Variants in CNTNAP2 observed in about 807,000 individuals in gnomAD.
CNTNAP2 encodes the protein contactin-associated protein-like 2.
In CNTNAP2, 98 loss-of-function variants were observed where a neutral mutation model predicts 155.2. The observed-to-expected ratio is 0.63, with a 90% CI of 0.54 to 0.75. The LOEUF is 0.75. Among genes scored for constraint, CNTNAP2 ranks in the 30% least tolerant of loss-of-function variants. CNTNAP2 has a pLI of 0.00. For missense variants in CNTNAP2, 1,727 were observed against 1,688.1 expected (o/e 1.02, Z -0.40); for synonymous variants, 651 against 631.2 (o/e 1.03, Z -0.47).
At chr7:147,877,247 G>T (rs542509263) in intron 13 of CNTNAP2, among the ~76,000 whole-genome samples, 2 of 152,220 alleles carry the variant, frequency 1.3e-5, no homozygotes, top group East Asian at 3.9e-4. Flanking sequence ...AGTCTGGCTG[G>T]TACCTGCAAA....
chr7:147,226,601 C>G (rs534818830), intron 8 of CNTNAP2, among the ~76,000 whole-genome samples: 1 of 152,042 alleles, frequency 6.6e-6, no homozygotes, highest in Admixed American at 6.6e-5. Flanking sequence ...TTCAACATAT[C>G]GTTGGCAGGT....
chr7:148,405,532 G>C (rs1192592091), intron 22 of CNTNAP2, among the ~76,000 whole-genome samples: 2 of 119,620 alleles, frequency 1.7e-5, no homozygotes, highest in East Asian at 3.1e-4. Context: ...GGTTCAAGCG[G>C]TTCAAGCAAT....
chr7:147,864,373 T>C (rs1199693331), intron 13 of CNTNAP2, among the ~76,000 whole-genome samples: 2 of 152,100 alleles, frequency 1.3e-5, no homozygotes, highest in African/African-American at 4.8e-5. Context: ...ATGCCTCCAG[T>C]TTTGGTCTTT....
chr7:146,800,548 A>G (rs754975911), intron 2 of CNTNAP2, among the ~76,000 whole-genome samples: 38 of 152,168 alleles, frequency 2.5e-4, no homozygotes, highest in Non-Finnish European at 4.4e-4. Flanking sequence ...AAATTCCCCA[A>G]AATATGCAGG....
intron 2 of CNTNAP2, among the ~76,000 whole-genome samples, chr7:146,807,779 T>TA (rs1213692774): frequency 1.3e-5 from 2 of 151,902 alleles, no homozygotes; most frequent in Non-Finnish European, 2.9e-5. Flanking sequence ...TAGTTGCTGC[T>TA]AAAAAAATAT....
intron 1 of CNTNAP2, among the ~76,000 whole-genome samples, chr7:146,378,108 C>T (rs981392261): frequency 3.3e-5 from 5 of 152,152 alleles, no homozygotes; most frequent in African/African-American, 9.7e-5. Flanking sequence ...ATCAGACCAG[C>T]TCAGTGCTTG....
chr7:147,926,609 A>G (rs912769908), intron 14 of CNTNAP2, among the ~76,000 whole-genome samples: 23 of 152,332 alleles, frequency 1.5e-4, no homozygotes, highest in Middle Eastern at 6.8e-3. Context: ...TTAAAATTAA[A>G]GTTGGATTGA....
At chr7:146,540,864 A>G (rs1411548680) in intron 1 of CNTNAP2, among the ~76,000 whole-genome samples, 1 of 152,066 alleles carries the variant, frequency 6.6e-6, no homozygotes, top group Non-Finnish European at 1.5e-5. Flanking sequence ...GTGTTTCATT[A>G]TGCATATCCT....
At chr7:147,675,536 C>CT (rs1046464462) in intron 13 of CNTNAP2, among the ~76,000 whole-genome samples, 1 of 152,026 alleles carries the variant, frequency 6.6e-6, no homozygotes, top group Non-Finnish European at 1.5e-5. Context: ...GAAATTTATT[C>CT]TTTCTCCACC....
intron 1 of CNTNAP2, among the ~76,000 whole-genome samples, chr7:146,216,333 T>C (rs899549954): frequency 2.6e-5 from 4 of 152,168 alleles, no homozygotes; most frequent in Non-Finnish European, 4.4e-5. Context: ...ATTTTTCACA[T>C]CTTCCTTAAT....
intron 10 of CNTNAP2, among the ~76,000 whole-genome samples, chr7:147,440,352 A>T (rs1797616713): frequency 6.6e-6 from 1 of 151,926 alleles, no homozygotes; most frequent in East Asian, 1.9e-4. Context: ...GAAAACTAAT[A>T]AAAGCTCTAC....
At position 148,047,170 on chromosome 7, in the gene CNTNAP2, C is replaced by T. The variant is rs73470219; in HGVS notation, c.2383+69181C>T. On this transcript the variant is annotated intron_variant, in intron 15 of 23. Coordinates refer to ENST00000361727, the MANE Select transcript of CNTNAP2 (RefSeq NM_014141.6). Reference sequence around the variant, plus strand: ...GCCATTGGTCATTAATTATGGTCGACGCTCATTATTCACAGGAGTATGACC... The same window carrying T: ...GCCATTGGTCATTAATTATGGTCGATGCTCATTATTCACAGGAGTATGACC... 4.9e-3 allele frequency among the ~76,000 whole-genome samples: 750 copies of T among 152,204 alleles called. 4 individuals carry two copies. The highest frequency in any genetic ancestry group is 0.018 in the African/African-American group (728 of 41,512).
intron 21 of CNTNAP2, among the ~76,000 whole-genome samples, chr7:148,294,606 C>T (rs1797248328): frequency 6.6e-6 from 1 of 152,146 alleles, no homozygotes; most frequent in South Asian, 2.1e-4. Context: ...AAAAATCAGT[C>T]CACTTTCTTG....
chr7:147,019,124 A>G (rs1798775205), intron 3 of CNTNAP2, among the ~76,000 whole-genome samples: 1 of 152,110 alleles, frequency 6.6e-6, no homozygotes, highest in Admixed American at 6.6e-5. Flanking sequence ...TCTAAGTAGT[A>G]CTGAGAGTTT....
intron 13 of CNTNAP2, among the ~76,000 whole-genome samples, chr7:147,802,060 G>A (rs1197676522): frequency 2.8e-5 from 4 of 143,268 alleles, no homozygotes; most frequent in Admixed American, 6.9e-5. Flanking sequence ...CTTCTCAGAC[G>A]GGGCAGTTGC....
chr7:147,111,498 T>G lies in CNTNAP2; in HGVS notation c.754+3148T>G, dbSNP rs577304497. ...TAGTCTTCTAAGGTTTTTAGAGTTTTGGGTTTTAAATTAAAGTCTTTAATT... is the reference window on the plus strand; with the variant it reads ...TAGTCTTCTAAGGTTTTTAGAGTTTGGGGTTTTAAATTAAAGTCTTTAATT... On this transcript the variant is annotated intron_variant, in intron 5 of 23. Transcript: ENST00000361727. Among the ~76,000 whole-genome samples, 11 of 152,328 alleles carry G rather than the reference T, an allele frequency of 7.2e-5. 1 individual carries two copies. Among genetic ancestry groups the G allele is most frequent in the African/African-American group, 2.4e-4 (10 of 41,574 alleles).
chr7:147,794,442 GTA>G (rs1172346276), intron 13 of CNTNAP2, among the ~76,000 whole-genome samples: 3 of 151,930 alleles, frequency 2.0e-5, no homozygotes, highest in African/African-American at 7.2e-5. Flanking sequence ...CATGAATATG[GTA>G]TATTAGAGTC....
At chr7:147,693,735 T>A (rs80065035) in intron 13 of CNTNAP2, among the ~76,000 whole-genome samples, 66 of 152,204 alleles carry the variant, frequency 4.3e-4, no homozygotes, top group African/African-American at 1.5e-3. Context: ...TTTTTTGTTG[T>A]TGTTGTTGAT....
intron 3 of CNTNAP2, among the ~76,000 whole-genome samples, chr7:146,871,960 T>C (rs1795318929): frequency 6.6e-6 from 1 of 152,150 alleles, no homozygotes; most frequent in Admixed American, 6.6e-5. Flanking sequence ...TATGTTTTCT[T>C]CTACATAATA....
Sources: allele counts gnomAD v4.1 joint callset (sites outside exome capture counted in the v4.1 genomes callset), GRCh38; gene constraint gnomAD v4.1.1; transcripts MANE v1.5; gene names NCBI Gene and HGNC (gene_info 2026-07-23, HGNC 2026-07-21).